PLCG1: variants seen among roughly 807,000 people sequenced by gnomAD.
PLCG1 encodes the protein phospholipase C gamma 1.
Under a neutral mutation model 177.8 loss-of-function variants are expected in PLCG1, and 71 were observed. The ratio of observed to expected loss-of-function variants is 0.40; its 90% CI spans 0.33 to 0.49. The LOEUF (loss-of-function observed/expected upper bound fraction) is 0.49. PLCG1 is among the 20% of genes least tolerant of loss of function. The probability of loss-of-function intolerance (pLI) is 0.72; values close to 1 mark genes in which losing one functional copy is unlikely to be tolerated. For missense variants in PLCG1, 1,281 were observed against 1,709.0 expected (o/e 0.75, Z 4.42); for synonymous variants, 658 against 647.9 (o/e 1.02, Z -0.24).
Position 41,165,971 on chromosome 20 carries a change from C to T in PLCG1, c.1799+145C>T. 1 of 718,366 alleles carries T rather than the reference C, an allele frequency of 1.4e-6. No homozygotes were observed. Among genetic ancestry groups the T allele is most frequent in the Non-Finnish European group, 2.3e-6 (1 of 441,928 alleles). 44.5% of individuals were successfully genotyped at this position (718,366 alleles called of 1,614,324 possible). A position where few individuals can be genotyped will look rare whatever the true frequency, so the allele number is the denominator to read the frequency against. On this transcript the variant is annotated intron_variant, in intron 16 of 31. Transcript: ENST00000685551. The surrounding 1 kb of genome is among the most constrained non-coding windows in gnomAD (Gnocchi z 6.6). ...TGGAACATAATTTCACCTACATACA[C>T]ACACACACTCTCTGTCTCACCCCCC...
rs1212728229 is a variant in PLCG1 at position 41,148,563 on chromosome 20, A to G, written c.217+10705A>G. On this transcript the variant is annotated intron_variant, in intron 1 of 31. Transcript: ENST00000685551. The surrounding 1 kb of genome is among the most constrained non-coding windows in gnomAD (Gnocchi z 4.3). Reference sequence around the variant, plus strand: ...TATCTAGTGAGCAGGAACAGGTTATATAGCAGTGATGCTTTCATAGTATTT... The same window carrying G: ...TATCTAGTGAGCAGGAACAGGTTATGTAGCAGTGATGCTTTCATAGTATTT... 6.6e-6 allele frequency among the ~76,000 whole-genome samples: 1 copy of G among 152,168 alleles called. No homozygotes were observed. Among genetic ancestry groups the G allele is most frequent in the African/African-American group, 2.4e-5 (1 of 41,442 alleles).
At position 41,163,094 on chromosome 20, in the gene PLCG1, T is replaced by C; in HGVS notation, c.716+102T>C. 6.7e-7 allele frequency: 1 copy of C among 1,501,856 alleles called. No individual in the cohort carries two copies. The highest frequency in any genetic ancestry group is 9.3e-7 in the Non-Finnish European group (1 of 1,079,956). 93.0% of individuals were successfully genotyped at this position (1,501,856 alleles called of 1,614,324 possible). A position where few individuals can be genotyped will look rare whatever the true frequency, so the allele number is the denominator to read the frequency against. On this transcript the variant is annotated intron_variant, in intron 7 of 31. Coordinates refer to ENST00000685551, the MANE Select transcript of PLCG1 (RefSeq NM_002660.3). This position sits in a 1 kb window ranked among gnomAD's most constrained non-coding sequence, Gnocchi z 5.2. ...GGGAGGCAGTGGGAGTAGGGAACCA[T>C]GCTGGACCATTCTGGGAAGCTGTGC...
At position 41,165,387 on chromosome 20, in the gene PLCG1, G is replaced by T. The variant is rs752941364; in HGVS notation, c.1509+20G>T. On this transcript the variant is annotated intron_variant, in intron 14 of 31. Coordinates refer to ENST00000685551, the MANE Select transcript of PLCG1 (RefSeq NM_002660.3). This position sits in a 1 kb window ranked among gnomAD's most constrained non-coding sequence, Gnocchi z 6.6. Reference sequence around the variant, plus strand: ...AACCACGTGAGGACTGGGCCAGGCTGGGGGTGGTAGGCCAGTGGGTGTGAG... The same window carrying T: ...AACCACGTGAGGACTGGGCCAGGCTTGGGGTGGTAGGCCAGTGGGTGTGAG... 7.4e-6 allele frequency: 12 copies of T among 1,613,962 alleles called. No individual in the cohort carries two copies. Among genetic ancestry groups the T allele is most frequent in the Non-Finnish European group, 1.0e-5 (12 of 1,179,900 alleles).
intron 24 of PLCG1, among the ~76,000 whole-genome samples, chr20:41,171,586 C>CA (rs71844995): frequency 0.025 from 1,580 of 63,586 alleles, 66 homozygotes; most frequent in African/African-American, 0.033. Flanking sequence ...GACTCTGTCT[C>CA]AAAAAAAAAA....
rs2035322436 is a variant in PLCG1, at chr20:41,156,388, G to C, written c.218-3218G>C. 6.6e-6 allele frequency among the ~76,000 whole-genome samples: 1 copy of C among 152,176 alleles called. No individual in the cohort carries two copies. Among genetic ancestry groups the C allele is most frequent in the Non-Finnish European group, 1.5e-5 (1 of 68,030 alleles). The stretch of plus-strand genomic sequence containing the variant: ...ACCATGGGCCTGGGGACGTGGTGCT[G>C]GGCAGAATGAATATGCTGCAGCCCT... On this transcript the variant is annotated intron_variant, in intron 1 of 31. Transcript: ENST00000685551. This position sits in a 1 kb window ranked among gnomAD's most constrained non-coding sequence, Gnocchi z 5.0.
intron 1 of PLCG1, among the ~76,000 whole-genome samples, chr20:41,140,169 G>A (rs35313137): frequency 6.6e-6 from 1 of 152,166 alleles, no homozygotes. Context: ...GATTTAACAG[G>A]CCTGGAGAGT....
At chr20:41,168,100 C>T (rs959027442) in intron 20 of PLCG1, among the ~76,000 whole-genome samples, 171 bp downstream of exon 20, 1 of 152,066 alleles carries the variant, frequency 6.6e-6, no homozygotes, top group African/African-American at 2.4e-5. Context: ...CGCAGGTCTC[C>T]CAGGGCCGAC....
At position 41,167,738 on chromosome 20, in the gene PLCG1, A is replaced by G; in HGVS notation, c.2302-114A>G. 1.4e-6 allele frequency: 1 copy of G among 736,808 alleles called. No individual in the cohort carries two copies. The highest frequency in any genetic ancestry group is 1.5e-5 in the South Asian group (1 of 64,918). 45.6% of individuals were successfully genotyped at this position (736,808 alleles called of 1,614,324 possible). ...TACTGAGGTCGAAGGATCCCTGTGG[A>G]TCAGGTGCAAGTTTGCTGCACTGGG... is the stretch of plus-strand genomic sequence containing the variant. On this transcript the variant is annotated intron_variant, in intron 19 of 31. Transcript: ENST00000685551. This position sits in a 1 kb window ranked among gnomAD's most constrained non-coding sequence, Gnocchi z 4.4.
At chr20:41,171,993 A>G (rs564192617) in intron 24 of PLCG1, among the ~76,000 whole-genome samples, 200 bp from the exon 25 acceptor site, 3 of 152,284 alleles carry the variant, frequency 2.0e-5, no homozygotes, top group Non-Finnish European at 2.9e-5. Context: ...TGGGACAGAA[A>G]AGAGGAAAGA....
chr20:41,157,921 A>G lies in PLCG1; in HGVS notation c.218-1685A>G, dbSNP rs528267467. On this transcript the variant is annotated intron_variant, in intron 1 of 31. Transcript: ENST00000685551. This position sits in a 1 kb window ranked among gnomAD's most constrained non-coding sequence, Gnocchi z 5.4. ...GTGGGCAGCCTCGGGAGGGGCTTGA[A>G]TGAGGTCTAGGGGGGTCAGAATAAT... 8.5e-5 allele frequency among the ~76,000 whole-genome samples: 13 copies of G among 152,234 alleles called. No individual in the cohort carries two copies. The highest frequency in any genetic ancestry group is 3.1e-4 in the African/African-American group (13 of 41,528).
Position 41,174,012 on chromosome 20 carries a change from G to C in PLCG1, c.3645+1G>C. ...CAAGATTGACATTTTCCCTGCCAAG[G>C]TATCTGCAGCAGGGGTGGGCTGGCC... On this transcript the variant is annotated splice_donor_variant, in intron 30 of 31. Coordinates refer to ENST00000685551, the MANE Select transcript of PLCG1 (RefSeq NM_002660.3). LOFTEE classifies it high-confidence loss of function. This position sits in a 1 kb window ranked among gnomAD's most constrained non-coding sequence, Gnocchi z 5.8. 1 of 1,613,798 alleles carries C rather than the reference G, an allele frequency of 6.2e-7. No individual in the cohort carries two copies. Among genetic ancestry groups the C allele is most frequent in the Non-Finnish European group, 8.5e-7 (1 of 1,179,790 alleles).
intron 4 of PLCG1, 160 bp from the exon 5 acceptor site, chr20:41,162,292 G>GACTAACC: frequency 4.5e-6 from 2 of 445,948 alleles, no homozygotes; most frequent in South Asian, 4.7e-5. Context: ...GAAAGGAAGG[G>GACTAACC]ACTAACCTCA....
In PLCG1 at chr20:41,173,596, C is replaced by T. The variant is rs758350710; in HGVS notation, c.3395-56C>T. 4.3e-6 allele frequency: 7 copies of T among 1,614,092 alleles called. No individual in the cohort carries two copies. In the South Asian group the frequency reaches 6.6e-5, roughly 15 times the overall value. On this transcript the variant is annotated intron_variant, in intron 28 of 31. Transcript: ENST00000685551. The surrounding 1 kb of genome is among the most constrained non-coding windows in gnomAD (Gnocchi z 6.2). ...TGGGGCACTGCAAGCCTCTCCCCAC[C>T]AGTCATCCCATCCTCTCCCACGGTG...
intron 1 of PLCG1, among the ~76,000 whole-genome samples, chr20:41,154,734 T>G (rs950581222): frequency 6.6e-6 from 1 of 152,194 alleles, no homozygotes; most frequent in Non-Finnish European, 1.5e-5. Context: ...GGTTCCAGAC[T>G]GGCTGCCCGC....
rs931739662 is a variant in PLCG1, at chr20:41,175,373, G to GACTC, written c.*866_*869dup. On this transcript the variant is annotated 3_prime_UTR_variant, in exon 32 of 32. Transcript: ENST00000685551. ...GGTTTTTTGTTTTTAAGTCAAAGAAGACTCAGTATGCTTTCCCTGAGGAAT... is the reference window on the plus strand; with the variant it reads ...GGTTTTTTGTTTTTAAGTCAAAGAAGACTCACTCAGTATGCTTTCCCTGAGGAAT... The GACTC allele has an allele frequency of 1.6e-4, 25 of 152,274 alleles. No individual in the cohort carries two copies. The highest frequency in any genetic ancestry group is 6.0e-4 in the African/African-American group (25 of 41,562). 9.4% of individuals were successfully genotyped at this position (152,274 alleles called of 1,614,324 possible).
At chr20:41,162,615 C>T (rs1403809955) in intron 5 of PLCG1, 27 bp from the exon 6 acceptor site, 2 of 1,611,012 alleles carry the variant, frequency 1.2e-6, no homozygotes, top group South Asian at 1.1e-5. Context: ...GACTGCCTGA[C>T]TGGCACTCCT....
rs1427966709 is a variant in PLCG1, at chr20:41,174,824, A to G, written c.*315A>G. ...CAGGACCATGGCCGAAGCCCCTTGGAGAGAGAGGCTGCCTCAGCCAGTGGC... is the reference window on the plus strand; with the variant it reads ...CAGGACCATGGCCGAAGCCCCTTGGGGAGAGAGGCTGCCTCAGCCAGTGGC... On this transcript the variant is annotated 3_prime_UTR_variant, in exon 32 of 32. Transcript: ENST00000685551. This position sits in a 1 kb window ranked among gnomAD's most constrained non-coding sequence, Gnocchi z 5.8. The G allele has an allele frequency of 3.8e-5, 14 of 368,674 alleles. No individual in the cohort carries two copies. The highest frequency in any genetic ancestry group is 6.0e-5 in the Non-Finnish European group (12 of 198,382). The allele number at this position is 368,674 out of a possible 1,614,324, so 22.8% of individuals were successfully genotyped here. A position where few individuals can be genotyped will look rare whatever the true frequency, so the allele number is the denominator to read the frequency against.
At chr20:41,138,641 G>A (rs1443980037) in intron 1 of PLCG1, among the ~76,000 whole-genome samples, 1 of 152,142 alleles carries the variant, frequency 6.6e-6, no homozygotes, top group Non-Finnish European at 1.5e-5. Flanking sequence ...CTTGGAGTCA[G>A]GTATTCTTCT....
In PLCG1 at chr20:41,150,109, C is replaced by T. The variant is rs539021777; in HGVS notation, c.218-9497C>T. Among the ~76,000 whole-genome samples the T allele has an allele frequency of 6.6e-6, 1 of 152,144 alleles. No individual in the cohort carries two copies. The highest frequency in any genetic ancestry group is 6.5e-5 in the Admixed American group (1 of 15,274). ...AAGGCCAAGGTGGGAGGATCACCTGCACCTGGGGAGGTAGAGGCTACAGTG... is the reference window on the plus strand; with the variant it reads ...AAGGCCAAGGTGGGAGGATCACCTGTACCTGGGGAGGTAGAGGCTACAGTG... On this transcript the variant is annotated intron_variant, in intron 1 of 31. Transcript: ENST00000685551. The surrounding 1 kb of genome is among the most constrained non-coding windows in gnomAD (Gnocchi z 4.0).
Sources: allele counts gnomAD v4.1 joint callset (sites outside exome capture counted in the v4.1 genomes callset), GRCh38; gene constraint gnomAD v4.1.1; non-coding constraint Gnocchi (gnomAD v3.1); transcripts MANE v1.5; gene names NCBI Gene and HGNC (gene_info 2026-07-23, HGNC 2026-07-21).